AAGAB: variants seen among roughly 807,000 people sequenced by gnomAD.
AAGAB encodes the protein alpha- and gamma-adaptin-binding protein p34.
In AAGAB, 38 loss-of-function variants were observed where a neutral mutation model predicts 44.1. That is an observed-to-expected ratio of 0.86 (90% confidence interval 0.67 to 1.13). The LOEUF is 1.13. AAGAB is among the 50% of genes most tolerant of loss of function. AAGAB has a pLI of 0.00. For synonymous variants in AAGAB, 131 were observed against 131.8 expected (o/e 0.99, Z 0.04); for missense variants, 450 against 373.8 (o/e 1.20, Z -1.68).
At chr15:67,212,202 T>G (rs976520887) in intron 5 of AAGAB, among the ~76,000 whole-genome samples, 1 of 152,168 alleles carries the variant, frequency 6.6e-6, no homozygotes, top group Non-Finnish European at 1.5e-5. Context: ...TTCTTTACAG[T>G]GGCTGCCTGC....
intron 5 of AAGAB, among the ~76,000 whole-genome samples, chr15:67,230,222 TG>T (rs1964304532): frequency 6.6e-6 from 1 of 152,102 alleles, no homozygotes; most frequent in Non-Finnish European, 1.5e-5. Context: ...AGCCAAGAGA[TG>T]TAAGACAGAA....
chr15:67,238,394 G>A (rs926832865), intron 1 of AAGAB, among the ~76,000 whole-genome samples: 2 of 152,022 alleles, frequency 1.3e-5, no homozygotes, highest in African/African-American at 4.8e-5. Flanking sequence ...ACAATTTCAG[G>A]GGAAATAAAC....
chr15:67,249,525 TATTTA>T (rs1284230159), intron 1 of AAGAB, among the ~76,000 whole-genome samples: 3 of 152,244 alleles, frequency 2.0e-5, no homozygotes, highest in Non-Finnish European at 4.4e-5. Context: ...TTTTAATATG[TATTTA>T]ATTTAATACA....
chr15:67,209,523 AG>A lies in AAGAB; in HGVS notation c.556del (p.Leu186PhefsTer5). ...GTTTGTTCCAGTCAATGAGTTGAGA[AG>A]GCTAAAGCCTTGGTTCCTATCTGAA... is the stretch of plus-strand genomic sequence containing the variant. ...MKNDRNQGFS[L>X]LNSLTGTNHS... On this transcript the variant is annotated frameshift_variant, in exon 6 of 10. Transcript: ENST00000261880. LOFTEE classifies it high-confidence loss of function. The A allele has an allele frequency of 6.2e-7, 1 of 1,614,114 alleles. No individual in the cohort carries two copies. Among genetic ancestry groups the A allele is most frequent in the Non-Finnish European group, 8.5e-7 (1 of 1,179,956 alleles).
At chr15:67,222,648 CA>C (rs1255324933) in intron 5 of AAGAB, among the ~76,000 whole-genome samples, 14 of 152,122 alleles carry the variant, frequency 9.2e-5, no homozygotes, top group Non-Finnish European at 8.8e-5. Flanking sequence ...TCCACTTGTA[CA>C]CTGGAGCCCA....
At chr15:67,246,456 A>G (rs1344382387) in intron 1 of AAGAB, among the ~76,000 whole-genome samples, 2 of 152,170 alleles carry the variant, frequency 1.3e-5, no homozygotes, top group African/African-American at 2.4e-5. Context: ...ATCTATATCA[A>G]TATTGACTCC....
At chr15:67,203,474 G>C in intron 9 of AAGAB, 74 bp downstream of exon 9, 1 of 1,256,128 alleles carries the variant, frequency 8.0e-7, no homozygotes, top group Non-Finnish European at 1.1e-6. Flanking sequence ...AAATACACAA[G>C]TGTGATATAT....
rs371952028 is a variant in AAGAB, at chr15:67,254,609, G to A, written c.23C>T (p.Ala8Val). 28 of 1,607,566 alleles carry A rather than the reference G, an allele frequency of 1.7e-5. No individual in the cohort carries two copies. The highest frequency in any genetic ancestry group is 1.0e-4 in the Admixed American group (6 of 59,434). MAAGVPC[A>V]LVTSCSSVFS... ...GACGGAGGAGCAGCTGGTGACTAAC[G>A]CACAGGGTACGCCAGCAGCCATAGC... The change falls in exon 1 of 10, where the codon GCG (alanine) becomes GTG (valine). Residue 8 changes from alanine (A) to valine (V), a missense_variant. Coordinates refer to ENST00000261880, the MANE Select transcript of AAGAB (RefSeq NM_024666.5).
intron 1 of AAGAB, among the ~76,000 whole-genome samples, chr15:67,251,779 T>C (rs558744680): frequency 6.6e-6 from 1 of 152,352 alleles, no homozygotes; most frequent in African/African-American, 2.4e-5. Flanking sequence ...CAAAATATTA[T>C]GCGGGCTCCA....
At position 67,209,530 on chromosome 15, in the gene AAGAB, A is replaced by G; in HGVS notation, c.550T>C (p.Phe184Leu). 1 of 1,614,076 alleles carries G rather than the reference A, an allele frequency of 6.2e-7. No homozygotes were observed. The highest frequency in any genetic ancestry group is 8.5e-7 in the Non-Finnish European group (1 of 1,179,932). The part of the protein sequence containing the change: ...VVMKNDRNQG[F>L]SLLNSLTGTN... The stretch of plus-strand genomic sequence containing the variant: ...CCAGTCAATGAGTTGAGAAGGCTAA[A>G]GCCTTGGTTCCTATCTGAAAAGGAA... Residue 184 changes from phenylalanine to leucine, a missense_variant, in exon 6 of 10, where the codon TTT becomes CTT. Coordinates refer to ENST00000261880, the MANE Select transcript of AAGAB (RefSeq NM_024666.5).
At chr15:67,240,331 T>C (rs1964566680) in intron 1 of AAGAB, among the ~76,000 whole-genome samples, 1 of 152,178 alleles carries the variant, frequency 6.6e-6, no homozygotes, top group East Asian at 1.9e-4. Context: ...TCTTTGTCCT[T>C]CACTAAATTA....
In AAGAB at chr15:67,231,829, C is replaced by T. The variant is rs1408801069; in HGVS notation, c.520G>A (p.Val174Ile). 1 of 1,611,928 alleles carries T rather than the reference C, an allele frequency of 6.2e-7. No homozygotes were observed. Among genetic ancestry groups the T allele is most frequent in the Admixed American group, 1.7e-5 (1 of 59,984 alleles). ...AGTTACTTACCATTCTTCATCACTA[C>T]ATTGGACCACACATTGGCATTCAGG... Reference protein sequence around the residue: ...QALNANVWSNVVMKNDRNQGF... With the variant: ...QALNANVWSNIVMKNDRNQGF... Residue 174 changes from valine (V) to isoleucine (I), a missense_variant, in exon 5 of 10, where the codon GTA becomes ATA. Physicochemically the swap from Val to Ile is conservative, Grantham distance 29. Coordinates refer to ENST00000261880, the MANE Select transcript of AAGAB (RefSeq NM_024666.5).
chr15:67,214,175 T>C (rs954529097), intron 5 of AAGAB, among the ~76,000 whole-genome samples: 1 of 148,914 alleles, frequency 6.7e-6, no homozygotes, highest in Non-Finnish European at 1.5e-5. Context: ...AAAAAGATGA[T>C]GTTTCATTCA....
upstream of AAGAB, chr15:67,255,011 C>T: frequency 6.7e-7 from 1 of 1,495,370 alleles, no homozygotes; most frequent in Non-Finnish European, 9.3e-7. Flanking sequence ...CGAGGTCCCG[C>T]GCGCCGATTC....
At chr15:67,204,797 C>G (rs1453987465) in intron 7 of AAGAB, among the ~76,000 whole-genome samples, 1 of 152,196 alleles carries the variant, frequency 6.6e-6, no homozygotes, top group East Asian at 1.9e-4. Flanking sequence ...TTAACTCCTT[C>G]TCCACTCCAG....
intron 7 of AAGAB, among the ~76,000 whole-genome samples, chr15:67,205,560 T>C (rs1261485846): frequency 1.3e-5 from 2 of 151,878 alleles, no homozygotes; most frequent in East Asian, 3.9e-4. Context: ...ATCAGAGAAG[T>C]AGGAAGAAAA....
At chr15:67,253,566 C>A (rs1964953589) in intron 1 of AAGAB, among the ~76,000 whole-genome samples, 1 of 152,006 alleles carries the variant, frequency 6.6e-6, no homozygotes, top group Admixed American at 6.6e-5. Context: ...CCAGCCTGAG[C>A]AACATAGCAA....
rs372734262 is a variant in AAGAB at position 67,231,882 on chromosome 15, G to C, written c.467C>G (p.Ser156Cys). Residue 156 changes from serine (S) to cysteine (C), a missense_variant, in exon 5 of 10, where the codon TCT becomes TGT. Coordinates refer to ENST00000261880, the MANE Select transcript of AAGAB (RefSeq NM_024666.5). ...LPEEDDDFPE[S>C]TGVKRIVQAL... ...TTGGACAATTCGCTTTACTCCTGTA[G>C]ATTCTGGGAAGTCATCTAATCAGGG... is the stretch of plus-strand genomic sequence containing the variant. 7.3e-5 allele frequency: 117 copies of C among 1,610,486 alleles called. No individual in the cohort carries two copies. Among genetic ancestry groups the C allele is most frequent in the Non-Finnish European group, 9.1e-5 (107 of 1,177,160 alleles).
intron 5 of AAGAB, among the ~76,000 whole-genome samples, chr15:67,209,924 C>T (rs958658766): frequency 3.9e-5 from 6 of 152,124 alleles, no homozygotes; most frequent in Admixed American, 1.3e-4. Context: ...AATCAGCCCC[C>T]GAAACTGCCA....
Sources: gnomAD v4.1 joint callset for allele counts (sites outside exome capture counted in the v4.1 genomes callset) on GRCh38, gnomAD v4.1.1 for gene constraint, MANE v1.5 for transcripts, NCBI Gene and HGNC (gene_info 2026-07-23, HGNC 2026-07-21) for gene names.